Variants in EBF1 observed in about 807,000 individuals in gnomAD.
The protein encoded by EBF1 is EBF transcription factor 1, also known as transcription factor COE1.
EBF1 carries 10 observed loss-of-function variants against 68.4 expected under a neutral mutation model. That is an observed-to-expected ratio of 0.15 (90% CI 0.09 to 0.25). The LOEUF is 0.25. EBF1 is among the 10% of genes least tolerant of loss of function. EBF1 has a pLI of 1.00. For synonymous variants in EBF1, 298 were observed against 299.8 expected, an observed-to-expected ratio of 0.99 and a Z score of 0.06; for missense variants, 509 against 794.4, an observed-to-expected ratio of 0.64 and a Z score of 4.32.
At chr5:158,754,805 A>C (rs1033001199) in intron 10 of EBF1, among the ~76,000 whole-genome samples, 2 of 152,142 alleles carry the variant, frequency 1.3e-5, no homozygotes, top group South Asian at 2.1e-4. Flanking sequence ...TTTTGCTCTA[A>C]ACAAAAGTAT....
At chr5:158,825,389 T>G (rs1172048587) in intron 7 of EBF1, among the ~76,000 whole-genome samples, 1 of 152,078 alleles carries the variant, frequency 6.6e-6, no homozygotes, top group Non-Finnish European at 1.5e-5. Context: ...GAGCGGTCAC[T>G]GGAGTCGTTA....
chr5:158,951,865 G>A (rs371213122), intron 6 of EBF1, among the ~76,000 whole-genome samples: 26 of 152,232 alleles, frequency 1.7e-4, no homozygotes, highest in Admixed American at 3.3e-4. Context: ...ATGCAAACTC[G>A]CTGTCTTGCA....
At chr5:159,057,964 G>A (rs539975183) in intron 6 of EBF1, among the ~76,000 whole-genome samples, 31 of 152,252 alleles carry the variant, frequency 2.0e-4, no homozygotes, top group African/African-American at 6.7e-4. Context: ...TCATTCCCTC[G>A]AAGAGGTATG....
chr5:158,699,927 T>C (rs534795836), intron 15 of EBF1, among the ~76,000 whole-genome samples: 1 of 152,362 alleles, frequency 6.6e-6, no homozygotes, highest in South Asian at 2.1e-4. Flanking sequence ...AGGTCGCAGA[T>C]AGTGGTATTT....
At chr5:158,899,006 T>C (rs1217075229) in intron 6 of EBF1, among the ~76,000 whole-genome samples, 1 of 152,236 alleles carries the variant, frequency 6.6e-6, no homozygotes, top group Non-Finnish European at 1.5e-5. Flanking sequence ...GCAGAGGAAC[T>C]ATCAGCAGCC....
At chr5:158,946,376 G>A (rs761779816) in intron 6 of EBF1, among the ~76,000 whole-genome samples, 4 of 152,182 alleles carry the variant, frequency 2.6e-5, no homozygotes, top group South Asian at 2.1e-4. Context: ...TTGCTTGGTC[G>A]TCCTTCTTTT....
In EBF1 at chr5:158,798,645, C is replaced by T. The variant is rs550322719; in HGVS notation, c.779-2170G>A. 1.4e-4 allele frequency among the ~76,000 whole-genome samples: 21 copies of T among 152,212 alleles called. No homozygotes were observed. In the South Asian group the frequency reaches 1.9e-3, roughly 14 times the overall value. On this transcript the variant is annotated intron_variant, in intron 8 of 15. Coordinates refer to ENST00000313708, the MANE Select transcript of EBF1 (RefSeq NM_024007.5). ...GAAGTCACGTGGGTGTACATGCATG[C>T]GTGTGTATGTGCTTTCAAACACTTC...
At chr5:158,885,732 A>G (rs1368291585) in intron 6 of EBF1, among the ~76,000 whole-genome samples, 1 of 152,212 alleles carries the variant, frequency 6.6e-6, no homozygotes, top group Non-Finnish European at 1.5e-5. Context: ...TGGGCAAGTC[A>G]TTTAAATGTC....
chr5:158,965,459 A>T (rs556150196), intron 6 of EBF1, among the ~76,000 whole-genome samples: 1 of 152,346 alleles, frequency 6.6e-6, no homozygotes, highest in Non-Finnish European at 1.5e-5. Flanking sequence ...CAGAAGTTTA[A>T]GCTTTAACAG....
chr5:158,772,886 C>T (rs565672433), intron 10 of EBF1, among the ~76,000 whole-genome samples: 1 of 152,136 alleles, frequency 6.6e-6, no homozygotes, highest in Admixed American at 6.6e-5. Context: ...ATATGTTTCC[C>T]TGATCCTAAA....
intron 9 of EBF1, among the ~76,000 whole-genome samples, chr5:158,785,039 T>C (rs1214335048): frequency 6.6e-6 from 1 of 152,216 alleles, no homozygotes; most frequent in African/African-American, 2.4e-5. Flanking sequence ...TTAATTTATG[T>C]ATTAATAATT....
intron 10 of EBF1, among the ~76,000 whole-genome samples, chr5:158,763,514 T>C (rs984589201): frequency 6.6e-6 from 1 of 152,192 alleles, no homozygotes; most frequent in African/African-American, 2.4e-5. Context: ...AACCCCCTTC[T>C]TTTTTGTCAA....
rs147195120 is a variant in EBF1 at position 159,077,680 on chromosome 5, G to T, written c.486-4216C>A. Among the ~76,000 whole-genome samples the T allele has an allele frequency of 1.8e-4, 27 of 151,434 alleles. No individual in the cohort carries two copies. In the East Asian group the frequency reaches 5.0e-3, roughly 28 times the overall value. ...ACTTCAAAGAGTTAACCTATAGAGA[G>T]TGGAACAGGCAGTGGGGAAGAATGG... On this transcript the variant is annotated intron_variant, in intron 5 of 15. Transcript: ENST00000313708.
At chr5:158,817,514 C>T (rs1274882846) in intron 8 of EBF1, among the ~76,000 whole-genome samples, 2 of 152,234 alleles carry the variant, frequency 1.3e-5, no homozygotes, top group African/African-American at 4.8e-5. Context: ...GCCTGGAAGC[C>T]CTCACCAGTG....
intron 4 of EBF1, among the ~76,000 whole-genome samples, chr5:159,095,213 C>G (rs1263576864): frequency 6.6e-6 from 1 of 152,196 alleles, no homozygotes; most frequent in Non-Finnish European, 1.5e-5. Flanking sequence ...CCCTCCTCCG[C>G]CCCCTCAGCC....
intron 11 of EBF1, 21 bp downstream of exon 11, chr5:158,731,048 A>C: frequency 6.2e-7 from 1 of 1,604,672 alleles, no homozygotes; most frequent in Non-Finnish European, 8.5e-7. Context: ...TTCAGGAATT[A>C]CAAAAAGGCA....
chr5:158,749,515 C>A (rs904053067), intron 10 of EBF1, among the ~76,000 whole-genome samples: 4 of 152,116 alleles, frequency 2.6e-5, no homozygotes, highest in African/African-American at 9.7e-5. Context: ...GAAGGCACCA[C>A]CAAATCAGGT....
intron 6 of EBF1, among the ~76,000 whole-genome samples, chr5:158,960,254 G>A (rs1273885467): frequency 6.6e-6 from 1 of 152,158 alleles, no homozygotes; most frequent in East Asian, 1.9e-4. Context: ...AAATCATTAA[G>A]AGAAAGTGAG....
intron 6 of EBF1, among the ~76,000 whole-genome samples, chr5:158,971,512 G>C (rs1211257944): frequency 6.6e-6 from 1 of 152,034 alleles, no homozygotes; most frequent in African/African-American, 2.4e-5. Context: ...GGTTGCTTTT[G>C]CTTCGGTTGC....
Sources: allele counts gnomAD v4.1 joint callset (sites outside exome capture counted in the v4.1 genomes callset), GRCh38; gene constraint gnomAD v4.1.1; transcripts MANE v1.5; gene names NCBI Gene and HGNC (gene_info 2026-07-23, HGNC 2026-07-21).